Variants in GABRB2 observed in about 807,000 individuals in gnomAD.
The protein encoded by GABRB2 is gamma-aminobutyric acid type A receptor subunit beta2.
A neutral mutation model predicts 54.7 loss-of-function variants in GABRB2; 16 were observed. The ratio of observed to expected loss-of-function variants is 0.29; its 90% CI spans 0.20 to 0.44. GABRB2 has a LOEUF of 0.44. Ranked by LOEUF, GABRB2 falls within the 20% of genes least tolerant of loss-of-function variation. GABRB2 has a pLI of 1.00. For missense variants in GABRB2, 355 were observed against 644.0 expected (o/e 0.55, Z 4.86); for synonymous variants, 244 against 233.8 (o/e 1.04, Z -0.40).
chr5:161,347,988 C>G (rs1355929949), intron 5 of GABRB2, among the ~76,000 whole-genome samples: 1 of 152,034 alleles, frequency 6.6e-6, no homozygotes, highest in Non-Finnish European at 1.5e-5. Context: ...TGACATAACA[C>G]AAATCAGAAG....
At chr5:161,327,438 G>T (rs1758401540) in intron 8 of GABRB2, among the ~76,000 whole-genome samples, 1 of 151,782 alleles carries the variant, frequency 6.6e-6, no homozygotes, top group African/African-American at 2.4e-5. Context: ...CACTGGAGAA[G>T]GATAGAAAAA....
chr5:161,306,364 G>A (rs1345446550), intron 9 of GABRB2, among the ~76,000 whole-genome samples: 1 of 152,232 alleles, frequency 6.6e-6, no homozygotes, highest in Non-Finnish European at 1.5e-5. Flanking sequence ...TAAGCTCAGA[G>A]ACTTCACAAA....
chr5:161,538,723 CTG>C (rs1160854809), intron 3 of GABRB2, among the ~76,000 whole-genome samples: 2 of 151,812 alleles, frequency 1.3e-5, no homozygotes, highest in African/African-American at 4.8e-5. Flanking sequence ...ACTCGGGAGA[CTG>C]AGATGAGAGA....
Position 161,289,263 on chromosome 5 carries a change from T to C in GABRB2, c.*4818A>G, listed in dbSNP as rs1757172063. ...TTTTTTTTTTTTGTACAGATTTCTTTAGGGCAGTATCTTCATTAGCATTCT... is the reference window on the plus strand; with the variant it reads ...TTTTTTTTTTTTGTACAGATTTCTTCAGGGCAGTATCTTCATTAGCATTCT... On this transcript the variant is annotated 3_prime_UTR_variant, in exon 10 of 10. Transcript: ENST00000393959. 1 of 123,736 alleles carries C rather than the reference T, an allele frequency of 8.1e-6. No individual in the cohort carries two copies. Among genetic ancestry groups the C allele is most frequent in the Non-Finnish European group, 1.7e-5 (1 of 58,542 alleles). The allele number at this position is 123,736 out of a possible 1,614,324, so 7.7% of individuals were successfully genotyped here. A position where few individuals can be genotyped will look rare whatever the true frequency, so the allele number is the denominator to read the frequency against.
intron 2 of GABRB2, 99 bp from the exon 3 acceptor site, chr5:161,545,393 T>A: frequency 1.6e-6 from 1 of 616,422 alleles, no homozygotes; most frequent in Non-Finnish European, 2.5e-6. Flanking sequence ...AAAACCCTTC[T>A]GCACTACTCA....
chr5:161,328,732 T>G (rs1262312771), intron 8 of GABRB2, among the ~76,000 whole-genome samples: 1 of 152,092 alleles, frequency 6.6e-6, no homozygotes. Flanking sequence ...AACAAGAAGT[T>G]ACAGGGAAGC....
At chr5:161,352,402 C>A (rs753964240) in intron 5 of GABRB2, among the ~76,000 whole-genome samples, 107 of 151,758 alleles carry the variant, frequency 7.1e-4, no homozygotes, top group Non-Finnish European at 1.3e-3. Flanking sequence ...CTGTCATTTG[C>A]GACAACATGA....
At chr5:161,322,324 C>T (rs1395101198) in intron 9 of GABRB2, among the ~76,000 whole-genome samples, 1 of 152,144 alleles carries the variant, frequency 6.6e-6, no homozygotes, top group Admixed American at 6.5e-5. Context: ...CAACCTCCAC[C>T]TTCGAGGCTC....
At chr5:161,396,371 T>A (rs948677511) in intron 5 of GABRB2, among the ~76,000 whole-genome samples, 1 of 152,204 alleles carries the variant, frequency 6.6e-6, no homozygotes, top group Admixed American at 6.5e-5. Flanking sequence ...AATGGAGAAT[T>A]GGGCAGATCA....
At chr5:161,515,484 A>G (rs1205912958) in intron 3 of GABRB2, among the ~76,000 whole-genome samples, 3 of 152,110 alleles carry the variant, frequency 2.0e-5, no homozygotes, top group Non-Finnish European at 4.4e-5. Flanking sequence ...TATTTTTCCT[A>G]AGCACTTTAA....
At chr5:161,400,711 A>G (rs930327045) in intron 5 of GABRB2, among the ~76,000 whole-genome samples, 2 of 152,140 alleles carry the variant, frequency 1.3e-5, no homozygotes, top group Non-Finnish European at 2.9e-5. Context: ...GGGAATCAGT[A>G]TCCTTGTAAC....
chr5:161,436,104 T>C (rs116633266), intron 4 of GABRB2, among the ~76,000 whole-genome samples: 2,923 of 152,324 alleles, frequency 0.019, 37 homozygotes, highest in Middle Eastern at 0.082. Flanking sequence ...TGTGTGACTT[T>C]AGGAACATTG....
At chr5:161,501,312 G>A (rs116008181) in intron 3 of GABRB2, among the ~76,000 whole-genome samples, 166 of 152,112 alleles carry the variant, frequency 1.1e-3, no homozygotes, top group Non-Finnish European at 2.0e-3. Context: ...AAAAAGTGCT[G>A]TGGGTAGTAT....
intron 9 of GABRB2, among the ~76,000 whole-genome samples, chr5:161,323,412 C>T (rs1758274074): frequency 6.6e-6 from 1 of 152,134 alleles, no homozygotes. Context: ...GGTTTTCTCG[C>T]ATAGCTGTCA....
intron 3 of GABRB2, among the ~76,000 whole-genome samples, chr5:161,527,583 G>T (rs1561682863): frequency 6.6e-6 from 1 of 151,218 alleles, no homozygotes. Context: ...TGTGATATAG[G>T]CTCAATAGCC....
intron 5 of GABRB2, among the ~76,000 whole-genome samples, chr5:161,380,620 A>C (rs973308439): frequency 2.0e-5 from 3 of 152,040 alleles, no homozygotes; most frequent in Non-Finnish European, 4.4e-5. Context: ...TAGAACATGC[A>C]ATGCTCTTGT....
chr5:161,465,461 C>A (rs1581009200), intron 3 of GABRB2, among the ~76,000 whole-genome samples: 1 of 152,176 alleles, frequency 6.6e-6, no homozygotes, highest in East Asian at 1.9e-4. Flanking sequence ...CCTCTGCTGA[C>A]CTTATATTCA....
intron 5 of GABRB2, among the ~76,000 whole-genome samples, chr5:161,390,769 C>T (rs1229485545): frequency 6.6e-6 from 1 of 152,054 alleles, no homozygotes; most frequent in Non-Finnish European, 1.5e-5. Context: ...TTACTAGTCT[C>T]CATGTCCTTT....
intron 3 of GABRB2, among the ~76,000 whole-genome samples, chr5:161,534,772 G>A (rs938383805): frequency 6.6e-6 from 1 of 152,002 alleles, no homozygotes; most frequent in African/African-American, 2.4e-5. Context: ...GGAATAGAGC[G>A]AGGAAAAACT....
Sources: gnomAD v4.1 joint callset for allele counts (sites outside exome capture counted in the v4.1 genomes callset) on GRCh38, gnomAD v4.1.1 for gene constraint, MANE v1.5 for transcripts, NCBI Gene and HGNC (gene_info 2026-07-23, HGNC 2026-07-21) for gene names.